Variants in MTUS1 observed in about 807,000 individuals in gnomAD.
MTUS1 encodes microtubule-associated tumor suppressor 1.
A neutral mutation model predicts 120.8 loss-of-function variants in MTUS1; 109 were observed. That is an observed-to-expected ratio of 0.90 (90% CI 0.77 to 1.06). MTUS1 has a LOEUF of 1.06. MTUS1 is among the 50% of genes least tolerant of loss of function. The pLI is 0.00. For missense variants in MTUS1, 2,210 were observed against 1,486.3 expected (o/e 1.49, Z -8.01); for synonymous variants, 737 against 550.5 (o/e 1.34, Z -4.74).
intron 6 of MTUS1, chr8:17,697,309 T>TCG (rs1230017181): frequency 6.2e-7 from 1 of 1,614,014 alleles, no homozygotes; most frequent in Non-Finnish European, 8.5e-7. Flanking sequence ...GTCGAAGGTT[T>TCG]CGAAGCAATC....
intron 6 of MTUS1, among the ~76,000 whole-genome samples, chr8:17,695,524 G>A (rs1474343688): frequency 2.0e-5 from 3 of 152,148 alleles, no homozygotes; most frequent in Admixed American, 6.5e-5. Flanking sequence ...AATAAAATGT[G>A]TCCAATACAT....
intron 6 of MTUS1, among the ~76,000 whole-genome samples, chr8:17,685,961 A>T (rs1325449510): frequency 3.9e-5 from 6 of 152,126 alleles, no homozygotes; most frequent in African/African-American, 1.5e-4. Context: ...AGGAAGAACA[A>T]ATTATTAGTT....
Position 17,652,784 on chromosome 8 carries a change from C to T in MTUS1, c.3384+402G>A, listed in dbSNP as rs192883633. 6.0e-3 allele frequency among the ~76,000 whole-genome samples: 907 copies of T among 150,644 alleles called. 2 individuals are homozygous for T. The highest frequency in any genetic ancestry group is 0.01 in the Middle Eastern group (3 of 292). ...CCAGGAGGTGGACGTTGCAGTGAGC[C>T]GAGATCACGCCACTACACTCCAGCC... On this transcript the variant is annotated intron_variant, in intron 12 of 14. Coordinates refer to ENST00000693296, the MANE Select transcript of MTUS1 (RefSeq NM_001363059.2).
chr8:17,737,907 A>G (rs1189061620), intron 3 of MTUS1, among the ~76,000 whole-genome samples: 5 of 152,218 alleles, frequency 3.3e-5, no homozygotes, highest in Admixed American at 3.3e-4. Flanking sequence ...ATTCTCACCT[A>G]GAAAAGTTTA....
At chr8:17,691,616 G>A (rs940741155) in intron 6 of MTUS1, among the ~76,000 whole-genome samples, 5 of 152,064 alleles carry the variant, frequency 3.3e-5, no homozygotes, top group African/African-American at 1.2e-4. Context: ...TACATCTCTC[G>A]TTCTTCTTCA....
intron 1 of MTUS1, among the ~76,000 whole-genome samples, chr8:17,795,943 A>T (rs2052189906): frequency 6.7e-6 from 1 of 149,204 alleles, no homozygotes; most frequent in Non-Finnish European, 1.5e-5. Flanking sequence ...GCCCAAGAAC[A>T]TTCTTTTTTT....
chr8:17,678,592 T>C lies in MTUS1; in HGVS notation c.2839-3340A>G, dbSNP rs139078505. 1.8e-3 allele frequency among the ~76,000 whole-genome samples: 270 copies of C among 152,276 alleles called. 1 individual carries two copies. Among genetic ancestry groups the C allele is most frequent in the Admixed American group, 4.6e-3 (70 of 15,286 alleles). ...TCTTGCAGAGAATAGCCACATCAGA[T>C]GGCTCAGACGTGTGCTGCATCTGAC... On this transcript the variant is annotated intron_variant, in intron 7 of 14. Coordinates refer to ENST00000693296, the MANE Select transcript of MTUS1 (RefSeq NM_001363059.2).
At position 17,666,142 on chromosome 8, in the gene MTUS1, T is replaced by G. The variant is rs542908685; in HGVS notation, c.2905+9044A>C. On this transcript the variant is annotated intron_variant, in intron 8 of 14. Coordinates refer to ENST00000693296, the MANE Select transcript of MTUS1 (RefSeq NM_001363059.2). Reference sequence around the variant, plus strand: ...ATCACAACAGCAAACACTCCGTGTATAAACGAACACATTTAGGAATAAAAG... The same window carrying G: ...ATCACAACAGCAAACACTCCGTGTAGAAACGAACACATTTAGGAATAAAAG... Among the ~76,000 whole-genome samples, 4 of 138,062 alleles carry G rather than the reference T, an allele frequency of 2.9e-5. 1 individual carries two copies. In the Middle Eastern group the frequency reaches 0.012, roughly 411 times the overall value. The allele number at this position is 138,062 out of a possible 152,430, so 90.6% of individuals were successfully genotyped here.
intron 10 of MTUS1, chr8:17,654,294 G>A (rs1807712886): frequency 4.2e-6 from 2 of 479,538 alleles, no homozygotes; most frequent in Admixed American, 3.6e-5. Flanking sequence ...ACCTAAGCTG[G>A]CAACCACCAC....
chr8:17,731,083 C>A (rs1338663845), intron 3 of MTUS1, among the ~76,000 whole-genome samples: 1 of 152,162 alleles, frequency 6.6e-6, no homozygotes, highest in East Asian at 1.9e-4. Flanking sequence ...ACCATACTGA[C>A]AGATTAATAC....
chr8:17,709,515 C>T (rs549389899), intron 6 of MTUS1, among the ~76,000 whole-genome samples: 12 of 152,202 alleles, frequency 7.9e-5, no homozygotes, highest in South Asian at 6.2e-4. Context: ...TCCTTAACAC[C>T]TGACACTCAC....
In MTUS1 at chr8:17,676,230, G is replaced by C. The variant is rs1486848267; in HGVS notation, c.2839-978C>G. On this transcript the variant is annotated intron_variant, in intron 7 of 14. Transcript: ENST00000693296. ...TGAATTCCAGACAGCCTCTGCAGTA[G>C]TCCTGACATTCTTCCAGAAAAGCAC... 19 of 702,958 alleles carry C rather than the reference G, an allele frequency of 2.7e-5. No homozygotes were observed. In the East Asian group the frequency reaches 4.6e-4, roughly 17 times the overall value. The allele number at this position is 702,958 out of a possible 1,614,324, so 43.5% of individuals were successfully genotyped here. A position where few individuals can be genotyped will look rare whatever the true frequency, so the allele number is the denominator to read the frequency against.
chr8:17,704,418 G>A (rs1465876705), intron 6 of MTUS1, among the ~76,000 whole-genome samples: 1 of 152,070 alleles, frequency 6.6e-6, no homozygotes, highest in Non-Finnish European at 1.5e-5. Flanking sequence ...TTATATTTAA[G>A]TCTTTAATCC....
chr8:17,770,085 C>T (rs981744494), intron 1 of MTUS1, among the ~76,000 whole-genome samples: 1 of 152,164 alleles, frequency 6.6e-6, no homozygotes, highest in Non-Finnish European at 1.5e-5. Flanking sequence ...AAAATAACCA[C>T]AGTCATTTGT....
chr8:17,800,558 C>G (rs577382815), intron 1 of MTUS1: 1 of 152,296 alleles, frequency 6.6e-6, no homozygotes, highest in Non-Finnish European at 1.5e-5. Flanking sequence ...CAGTGAACAC[C>G]TAAGTCCACT....
chr8:17,762,825 C>T (rs998392531), intron 1 of MTUS1, among the ~76,000 whole-genome samples: 7 of 152,074 alleles, frequency 4.6e-5, no homozygotes, highest in Non-Finnish European at 1.0e-4. Context: ...AAGGATGGGG[C>T]CTGAGATTCT....
At chr8:17,762,997 C>CA (rs2049162596) in intron 1 of MTUS1, among the ~76,000 whole-genome samples, 1 of 146,672 alleles carries the variant, frequency 6.8e-6, no homozygotes, top group East Asian at 2.0e-4. Flanking sequence ...CCAATGGTAC[C>CA]TTTTTTTTTT....
In MTUS1 at chr8:17,686,437, T is replaced by C. The variant is rs188635728; in HGVS notation, c.2624-1895A>G. The stretch of plus-strand genomic sequence containing the variant: ...TGTTATATAACTTTATAAACAAAAA[T>C]GTTCAAATTCTTTCACTATCTAGAA... On this transcript the variant is annotated intron_variant, in intron 6 of 14. Coordinates refer to ENST00000693296, the MANE Select transcript of MTUS1 (RefSeq NM_001363059.2). Among the ~76,000 whole-genome samples the C allele has an allele frequency of 1.4e-4, 22 of 152,366 alleles. 1 individual carries two copies. Among genetic ancestry groups the C allele is most frequent in the Admixed American group, 1.0e-3 (16 of 15,302 alleles).
intron 12 of MTUS1, 65 bp from the exon 13 acceptor site, chr8:17,650,027 CTTTGA>C (rs1806652302): frequency 1.1e-6 from 1 of 878,638 alleles, no homozygotes; most frequent in African/African-American, 1.7e-5. Context: ...CAGAAAGAAT[CTTTGA>C]TTAGATTGAG....
Sources: allele counts gnomAD v4.1 joint callset (sites outside exome capture counted in the v4.1 genomes callset), GRCh38; gene constraint gnomAD v4.1.1; transcripts MANE v1.5; gene names NCBI Gene and HGNC (gene_info 2026-07-23, HGNC 2026-07-21).